CERS3: variants seen among roughly 807,000 people sequenced by gnomAD.
CERS3 encodes the protein ceramide synthase 3.
In CERS3, 33 loss-of-function variants were observed where a neutral mutation model predicts 50.3. That is an observed-to-expected ratio of 0.66 (90% CI 0.50 to 0.88). The LOEUF is 0.88. Ranked by LOEUF, CERS3 falls within the 40% of genes least tolerant of loss-of-function variation. The pLI, the probability that CERS3 is intolerant of heterozygous loss-of-function variation, is 0.00. For missense variants in CERS3, 470 were observed against 460.3 expected, an observed-to-expected ratio of 1.02 and a Z score of -0.19; for synonymous variants, 176 against 155.2, an observed-to-expected ratio of 1.13 and a Z score of -0.99.
chr15:100,491,015 G>T, intron 3 of CERS3, 84 bp from the exon 4 acceptor site: 1 of 800,666 alleles, frequency 1.2e-6, no homozygotes, highest in Non-Finnish European at 2.0e-6. Flanking sequence ...GTAACTTCAG[G>T]TTTCTAATGA....
chr15:100,455,496 C>T (rs1287304022), intron 11 of CERS3, among the ~76,000 whole-genome samples: 1 of 152,064 alleles, frequency 6.6e-6, no homozygotes, highest in Non-Finnish European at 1.5e-5. Flanking sequence ...GATAAATACT[C>T]AAGATGATGG....
chr15:100,531,174 ATGT>A (rs2036930544), upstream of CERS3, among the ~76,000 whole-genome samples: 1 of 152,246 alleles, frequency 6.6e-6, no homozygotes, highest in Admixed American at 6.5e-5. Flanking sequence ...AATGAAACAC[ATGT>A]TATTTGCTGA....
intron 7 of CERS3, 41 bp downstream of exon 7, chr15:100,479,387 G>A: frequency 7.0e-7 from 1 of 1,436,462 alleles, no homozygotes; most frequent in Non-Finnish European, 9.7e-7. Flanking sequence ...GAGGGATCTT[G>A]GTGTTCAAGT....
chr15:100,444,995 T>C (rs11247204), intron 11 of CERS3, among the ~76,000 whole-genome samples: 72,199 of 151,500 alleles, frequency 0.48, 18,187 homozygotes, highest in Non-Finnish European at 0.57. Context: ...CAGTCCTCAG[T>C]CTTCAGGAAA....
chr15:100,462,854 A>G (rs144332705), intron 10 of CERS3, among the ~76,000 whole-genome samples: 201 of 152,348 alleles, frequency 1.3e-3, no homozygotes, highest in African/African-American at 4.7e-3. Flanking sequence ...AAAGCAATAA[A>G]AGACATCATT....
intron 11 of CERS3, among the ~76,000 whole-genome samples, chr15:100,417,123 G>A (rs531240933): frequency 3.9e-5 from 6 of 152,262 alleles, no homozygotes; most frequent in South Asian, 2.1e-4. Context: ...AGCTCCCAGC[G>A]TGAGCGACGC....
chr15:100,436,037 T>C (rs1326322391), intron 11 of CERS3, among the ~76,000 whole-genome samples: 1 of 152,190 alleles, frequency 6.6e-6, no homozygotes, highest in Non-Finnish European at 1.5e-5. Flanking sequence ...TGTAAATTAG[T>C]TCAACCATTG....
At chr15:100,487,522 C>T (rs932286103) in intron 4 of CERS3, among the ~76,000 whole-genome samples, 4 of 152,296 alleles carry the variant, frequency 2.6e-5, no homozygotes, top group Non-Finnish European at 5.9e-5. Context: ...GGTCTGTCCT[C>T]ACAATTTGTA....
chr15:100,519,555 C>T (rs1275086023), intron 2 of CERS3, among the ~76,000 whole-genome samples: 1 of 152,156 alleles, frequency 6.6e-6, no homozygotes, highest in Non-Finnish European at 1.5e-5. Flanking sequence ...CAAGAGACGC[C>T]ACCCATCTGA....
At chr15:100,436,545 G>C (rs1407518511) in intron 11 of CERS3, among the ~76,000 whole-genome samples, 1 of 152,004 alleles carries the variant, frequency 6.6e-6, no homozygotes, top group Non-Finnish European at 1.5e-5. Context: ...ACTAGGTGAT[G>C]GGTTGATAGG....
chr15:100,501,427 G>A (rs1813673806), intron 3 of CERS3, among the ~76,000 whole-genome samples: 1 of 152,170 alleles, frequency 6.6e-6, no homozygotes. Flanking sequence ...AACCTCTCTT[G>A]ATCTTGATTT....
intron 9 of CERS3, among the ~76,000 whole-genome samples, chr15:100,470,793 G>A (rs2034944282): frequency 6.6e-6 from 1 of 152,184 alleles, no homozygotes; most frequent in African/African-American, 2.4e-5. Context: ...GAAGATGAAT[G>A]AAGAAGTCAA....
chr15:100,469,291 G>A (rs2034884651), intron 10 of CERS3, 87 bp downstream of exon 10: 1 of 907,438 alleles, frequency 1.1e-6, no homozygotes, highest in Non-Finnish European at 1.8e-6. Context: ...ACCCACGTAT[G>A]GAAAGGGCAA....
At chr15:100,420,131 T>C (rs1344376364) in intron 11 of CERS3, among the ~76,000 whole-genome samples, 1 of 147,606 alleles carries the variant, frequency 6.8e-6, no homozygotes, top group African/African-American at 2.5e-5. Flanking sequence ...AAAAAATTAA[T>C]GAATCCAGGA....
chr15:100,532,810 C>A (rs558664240), upstream of CERS3, among the ~76,000 whole-genome samples: 4 of 152,270 alleles, frequency 2.6e-5, no homozygotes, highest in East Asian at 7.7e-4. Flanking sequence ...ATGAAACAAG[C>A]AAATGTCTTC....
chr15:100,467,763 C>CACATA (rs2034799938), intron 10 of CERS3, among the ~76,000 whole-genome samples: 1 of 119,598 alleles, frequency 8.4e-6, no homozygotes, highest in Non-Finnish European at 1.8e-5. Context: ...CTCTCTCTCT[C>CACATA]TCTCTCTATA....
chr15:100,493,748 G>A (rs1469928370), intron 3 of CERS3, among the ~76,000 whole-genome samples: 4 of 151,852 alleles, frequency 2.6e-5, no homozygotes, highest in African/African-American at 9.7e-5. Context: ...TCTTTCTTAT[G>A]CCTGCTCAAA....
intron 11 of CERS3, among the ~76,000 whole-genome samples, chr15:100,417,222 C>T (rs1353142085): frequency 5.9e-5 from 9 of 151,394 alleles, no homozygotes; most frequent in East Asian, 2.0e-4. Flanking sequence ...TCAGTGGGTG[C>T]GTGCACCGTG....
At chr15:100,484,509 T>C (rs1416416034) in intron 5 of CERS3, 41 bp downstream of exon 5, 1 of 1,363,466 alleles carries the variant, frequency 7.3e-7, no homozygotes, top group Non-Finnish European at 1.1e-6. Context: ...CAGCTCCAGA[T>C]AGGACGGCAG....
Sources: allele counts gnomAD v4.1 joint callset (sites outside exome capture counted in the v4.1 genomes callset), GRCh38; gene constraint gnomAD v4.1.1; transcripts MANE v1.5; gene names NCBI Gene and HGNC (gene_info 2026-07-23, HGNC 2026-07-21).